Variants in PCDHA5 observed in about 807,000 individuals in gnomAD.
The protein encoded by PCDHA5 is protocadherin alpha 5.
PCDHA5 carries 43 observed loss-of-function variants against 61.6 expected under a neutral mutation model. The ratio of observed to expected loss-of-function variants is 0.70; its 90% CI spans 0.55 to 0.90. PCDHA5 has a LOEUF of 0.90. Among genes scored for constraint, PCDHA5 ranks in the 40% least tolerant of loss-of-function variants. The probability of loss-of-function intolerance (pLI) is 0.00; values close to 1 mark genes in which losing one functional copy is unlikely to be tolerated. For missense variants in PCDHA5, 1,298 were observed against 1,222.7 expected, an observed-to-expected ratio of 1.06 and a Z score of -0.92; for synonymous variants, 627 against 543.9, an observed-to-expected ratio of 1.15 and a Z score of -2.13.
In PCDHA5 at chr5:141,010,195, C is replaced by G. The variant is rs753472247; in HGVS notation, c.*258C>G. 6.4e-7 allele frequency: 1 copy of G among 1,552,256 alleles called. No homozygotes were observed. The highest frequency in any genetic ancestry group is 8.7e-7 in the Non-Finnish European group (1 of 1,147,132). Reference sequence around the variant, plus strand: ...TAAAAAGCAGACCCAAGTTTCCTTTCTCCTCCGCCGCAAAGGAGAGGCTTC... The same window carrying G: ...TAAAAAGCAGACCCAAGTTTCCTTTGTCCTCCGCCGCAAAGGAGAGGCTTC... On this transcript the variant is annotated 3_prime_UTR_variant, in exon 4 of 4. Coordinates refer to ENST00000529859, the MANE Select transcript of PCDHA5 (RefSeq NM_018908.3).
At chr5:140,832,791 A>G (rs2150204193) in intron 1 of PCDHA5, among the ~76,000 whole-genome samples, 2 of 152,336 alleles carry the variant, frequency 1.3e-5, no homozygotes, top group South Asian at 4.1e-4. Context: ...AAGGTACATC[A>G]TAGTGTTATT....
chr5:140,858,397 C>A, intron 1 of PCDHA5: 1 of 1,573,182 alleles, frequency 6.4e-7, no homozygotes, highest in Non-Finnish European at 8.7e-7. Flanking sequence ...TAGATGTGGA[C>A]GGGGAAGATC....
In PCDHA5 at chr5:140,869,686, A is replaced by T. The variant is rs782130952; in HGVS notation, c.2352+45559A>T. ...TAAGCAGATTAAAAGACTGTCACTT[A>T]TTTTAAAGAAGTCTCTGGATAGAGA... On this transcript the variant is annotated intron_variant, in intron 1 of 3. Transcript: ENST00000529859. The T allele has an allele frequency of 5.6e-6, 9 of 1,613,330 alleles. No homozygotes were observed. In the African/African-American group the frequency reaches 1.2e-4, roughly 22 times the overall value.
intron 2 of PCDHA5, among the ~76,000 whole-genome samples, chr5:140,982,129 A>G (rs2153827592): frequency 6.6e-6 from 1 of 152,376 alleles, no homozygotes; most frequent in East Asian, 1.9e-4. Context: ...TTTGAGAACA[A>G]GCCCTCCTCA....
intron 1 of PCDHA5, chr5:140,927,167 C>A (rs782612848): frequency 6.2e-7 from 1 of 1,614,164 alleles, no homozygotes; most frequent in Admixed American, 1.7e-5. Context: ...GCCAAAGCTG[C>A]CTGCGTCTTG....
rs535420158 is a variant in PCDHA5, at chr5:140,966,438, T to TC, written c.2353-12508dup. Reference sequence around the variant, plus strand: ...AGGACTTGCTGAGCCCTCCTACCGCTCCCTTTCCCCCTCCCCCTCTGTCTT... The same window carrying TC: ...AGGACTTGCTGAGCCCTCCTACCGCTCCCCTTTCCCCCTCCCCCTCTGTCTT... On this transcript the variant is annotated intron_variant, in intron 1 of 3. Transcript: ENST00000529859. 1.4e-5 allele frequency: 6 copies of TC among 422,688 alleles called. No homozygotes were observed. The East Asian group carries it at 1.4e-4, about 10-fold the overall frequency. 26.2% of individuals were successfully genotyped at this position (422,688 alleles called of 1,614,324 possible).
intron 1 of PCDHA5, among the ~76,000 whole-genome samples, chr5:140,889,975 T>A (rs2062445806): frequency 6.6e-6 from 1 of 152,182 alleles, no homozygotes; most frequent in African/African-American, 2.4e-5. Flanking sequence ...CTATCCAGTC[T>A]CCAGTTGTCT....
At chr5:140,969,588 T>A in intron 1 of PCDHA5, 1 of 849,870 alleles carries the variant, frequency 1.2e-6, no homozygotes, top group Non-Finnish European at 1.8e-6. Context: ...GGATTAGTCT[T>A]AATATTTAAT....
chr5:140,966,259 G>A (rs1358322921), intron 1 of PCDHA5: 1 of 340,612 alleles, frequency 2.9e-6, no homozygotes, highest in Non-Finnish European at 5.3e-6. Context: ...AGACGGTGGA[G>A]ACTGGATGAA....
intron 1 of PCDHA5, among the ~76,000 whole-genome samples, chr5:140,948,600 A>G (rs1369107358): frequency 6.6e-6 from 1 of 151,576 alleles, no homozygotes; most frequent in African/African-American, 2.4e-5. Flanking sequence ...TCAATTTATC[A>G]TATTTTTGGC....
chr5:140,857,995 G>A, intron 1 of PCDHA5: 1 of 1,597,106 alleles, frequency 6.3e-7, no homozygotes, highest in East Asian at 2.2e-5. Context: ...TACTGGTGCT[G>A]GTGAAGGACC....
rs552289184 is a variant in PCDHA5, at chr5:140,942,884, T to C, written c.2353-36065T>C. 7.9e-5 allele frequency among the ~76,000 whole-genome samples: 12 copies of C among 152,178 alleles called. No individual in the cohort carries two copies. In the East Asian group the frequency reaches 2.3e-3, roughly 29 times the overall value. ...TGCTTTAGCATGACAACTTTTTTCC[T>C]AAAATTTATCTCTAAGAATAAGCGT... On this transcript the variant is annotated intron_variant, in intron 1 of 3. Transcript: ENST00000529859.
At chr5:140,938,835 CA>C (rs2092222540) in intron 1 of PCDHA5, among the ~76,000 whole-genome samples, 1 of 152,008 alleles carries the variant, frequency 6.6e-6, no homozygotes, top group African/African-American at 2.4e-5. Flanking sequence ...TGCGTTATAA[CA>C]AACCTGCCCA....
intron 1 of PCDHA5, chr5:140,876,016 A>G (rs1554168175): frequency 6.2e-7 from 1 of 1,613,818 alleles, no homozygotes; most frequent in South Asian, 1.1e-5. Flanking sequence ...TGAGCTTAAA[A>G]TAAAAACAAA....
At chr5:140,867,315 G>A (rs2049883099) in intron 1 of PCDHA5, 1 of 151,948 alleles carries the variant, frequency 6.6e-6, no homozygotes. Flanking sequence ...CTGTCATCTG[G>A]TCTAATGTTA....
chr5:140,928,770 C>A, intron 1 of PCDHA5: 4 of 1,614,106 alleles, frequency 2.5e-6, no homozygotes, highest in Non-Finnish European at 2.5e-6. Context: ...TAGTTCTTCC[C>A]ACTGATGCAG....
intron 1 of PCDHA5, chr5:140,875,208 C>A: frequency 1.5e-6 from 1 of 668,546 alleles, no homozygotes; most frequent in Non-Finnish European, 2.2e-6. Flanking sequence ...GTGGCTAAAC[C>A]GAAAAGAACC....
Position 140,856,043 on chromosome 5 carries a change from G to A in PCDHA5, c.2352+31916G>A. On this transcript the variant is annotated intron_variant, in intron 1 of 3. Coordinates refer to ENST00000529859, the MANE Select transcript of PCDHA5 (RefSeq NM_018908.3). The stretch of plus-strand genomic sequence containing the variant: ...TCGTCGATTTGTAAAACAAGAGAAG[G>A]ATAAGATGGTTTCCAGATGTAGCTG... The A allele has an allele frequency of 3.8e-6, 6 of 1,581,380 alleles. 1 individual carries two copies. The highest frequency in any genetic ancestry group is 5.2e-6 in the Non-Finnish European group (6 of 1,157,972).
intron 3 of PCDHA5, among the ~76,000 whole-genome samples, chr5:140,989,192 C>A (rs1458235302): frequency 6.6e-6 from 1 of 152,192 alleles, no homozygotes; most frequent in African/African-American, 2.4e-5. Context: ...GAATTACCCT[C>A]CCTTCTAGCT....
Sources: allele counts gnomAD v4.1 joint callset (sites outside exome capture counted in the v4.1 genomes callset), GRCh38; gene constraint gnomAD v4.1.1; transcripts MANE v1.5; gene names NCBI Gene and HGNC (gene_info 2026-07-23, HGNC 2026-07-21).